The following SLC14A2 variants were observed in gnomAD, a reference collection of about 807,000 sequenced individuals.
SLC14A2 encodes the protein urea transporter 2.
Under a neutral mutation model 104.6 loss-of-function variants are expected in SLC14A2, and 91 were observed. The observed-to-expected ratio is 0.87, with a 90% CI of 0.73 to 1.04. The LOEUF (loss-of-function observed/expected upper bound fraction) is 1.04, where lower values mean the gene tolerates loss of function less well. SLC14A2 is among the 50% of genes least tolerant of loss of function. The probability of loss-of-function intolerance (pLI) is 0.00; values close to 1 mark genes in which losing one functional copy is unlikely to be tolerated. For missense variants in SLC14A2, 1,189 were observed against 1,156.0 expected, an observed-to-expected ratio of 1.03 and a Z score of -0.41; for synonymous variants, 476 against 466.4, an observed-to-expected ratio of 1.02 and a Z score of -0.27.
rs139896448 is a variant in SLC14A2, at chr18:45,305,288, C to T, written c.-125+92097C>T. Reference sequence around the variant, plus strand: ...ATTTAGGGGGCACCCAAGGGTGAGTCAAACCAATACAACTGTTTAATGTTA... The same window carrying T: ...ATTTAGGGGGCACCCAAGGGTGAGTTAAACCAATACAACTGTTTAATGTTA... On this transcript the variant is annotated intron_variant, in intron 1 of 20. Coordinates refer to the SLC14A2 transcript ENST00000586448. 6.7e-3 allele frequency among the ~76,000 whole-genome samples: 1,022 copies of T among 152,290 alleles called. 9 individuals carry two copies. Among genetic ancestry groups the T allele is most frequent in the African/African-American group, 0.023 (943 of 41,562 alleles).
At chr18:45,289,005 A>G (rs2084842872) in intron 1 of SLC14A2, among the ~76,000 whole-genome samples, 2 of 152,150 alleles carry the variant, frequency 1.3e-5, no homozygotes, top group Admixed American at 6.5e-5. Context: ...GCCTGAGCAG[A>G]TGCTGGGAAC....
intron 2 of SLC14A2, among the ~76,000 whole-genome samples, chr18:45,561,125 G>A (rs763048462): frequency 2.4e-4 from 36 of 152,092 alleles, no homozygotes; most frequent in Non-Finnish European, 4.7e-4. Flanking sequence ...GATGAGCCAC[G>A]GGAGGCCACT....
At chr18:45,417,277 T>A (rs1390994298) in intron 1 of SLC14A2, among the ~76,000 whole-genome samples, 2 of 152,202 alleles carry the variant, frequency 1.3e-5, no homozygotes, top group Admixed American at 6.5e-5. Flanking sequence ...ATCCTTTCTT[T>A]TACCTTTTCT....
chr18:45,289,045 G>C (rs924144580), intron 1 of SLC14A2, among the ~76,000 whole-genome samples: 1 of 152,192 alleles, frequency 6.6e-6, no homozygotes, highest in Admixed American at 6.5e-5. Context: ...TCCTGAGCAA[G>C]CTGGGGCCTG....
rs560251370 is a variant in SLC14A2 at position 45,555,388 on chromosome 18, T to C, written c.-34-69243T>C. On this transcript the variant is annotated intron_variant, in intron 2 of 20. Transcript: ENST00000586448. ...AAAGTGATACACACTCAGTACACTC[T>C]TTGACTTAAGATGGGATACATCTAG... Among the ~76,000 whole-genome samples the C allele has an allele frequency of 1.8e-3, 269 of 152,340 alleles. 1 individual carries two copies. The highest frequency in any genetic ancestry group is 6.1e-3 in the African/African-American group (255 of 41,572).
intron 1 of SLC14A2, among the ~76,000 whole-genome samples, chr18:45,213,937 A>G (rs1385256448): frequency 6.6e-6 from 1 of 152,210 alleles, no homozygotes; most frequent in East Asian, 1.9e-4. Flanking sequence ...GACCAATAAT[A>G]GTGCTGAAGA....
intron 1 of SLC14A2, among the ~76,000 whole-genome samples, chr18:45,221,757 C>T (rs548344458): frequency 1.7e-4 from 26 of 152,132 alleles, no homozygotes; most frequent in Admixed American, 8.5e-4. Context: ...GGTTTTAGGA[C>T]GGCACTTGGT....
chr18:45,379,793 C>G (rs1184794401), intron 1 of SLC14A2, among the ~76,000 whole-genome samples: 1 of 152,148 alleles, frequency 6.6e-6, no homozygotes, highest in Non-Finnish European at 1.5e-5. Context: ...TTGTTGTTAT[C>G]CCAGAACTTG....
chr18:45,433,720 T>A (rs1743125655), intron 1 of SLC14A2, among the ~76,000 whole-genome samples: 1 of 152,222 alleles, frequency 6.6e-6, no homozygotes, highest in African/African-American at 2.4e-5. Context: ...GGATTCAAAC[T>A]AAGAGGATGT....
chr18:45,251,513 AC>A (rs1232908572), intron 1 of SLC14A2, among the ~76,000 whole-genome samples: 5 of 152,230 alleles, frequency 3.3e-5, no homozygotes, highest in Non-Finnish European at 7.3e-5. Flanking sequence ...TAACAAAAAA[AC>A]ACATACTGAA....
At chr18:45,348,276 C>G (rs184209877) in intron 1 of SLC14A2, among the ~76,000 whole-genome samples, 135 of 152,324 alleles carry the variant, frequency 8.9e-4, no homozygotes, top group African/African-American at 3.1e-3. Context: ...TGGACCTTGA[C>G]AGTATTTAGT....
At chr18:45,426,658 CATATACATAT>C (rs2086434524) in intron 1 of SLC14A2, among the ~76,000 whole-genome samples, 2 of 144,694 alleles carry the variant, frequency 1.4e-5, no homozygotes, top group Admixed American at 1.4e-4. Context: ...TATATACATA[CATATACATAT>C]ATATACACAC....
chr18:45,547,711 G>A (rs1445968907), intron 2 of SLC14A2, among the ~76,000 whole-genome samples: 3 of 152,204 alleles, frequency 2.0e-5, no homozygotes, highest in African/African-American at 7.2e-5. Context: ...ATGATGAAAT[G>A]AGATGATCTT....
chr18:45,655,682 A>G (rs1037280428), intron 10 of SLC14A2, among the ~76,000 whole-genome samples: 20 of 152,218 alleles, frequency 1.3e-4, no homozygotes, highest in Non-Finnish European at 2.8e-4. Flanking sequence ...GCATGTGGAG[A>G]AAGAGAGTAT....
At chr18:45,341,892 T>C (rs1256847449) in intron 1 of SLC14A2, among the ~76,000 whole-genome samples, 1 of 152,156 alleles carries the variant, frequency 6.6e-6, no homozygotes, top group Non-Finnish European at 1.5e-5. Context: ...CTGATCCCAC[T>C]GTCTAGTATT....
the SLC14A2 span, among the ~76,000 whole-genome samples, chr18:45,189,344 G>T: frequency 2.0e-5 from 3 of 152,156 alleles, no homozygotes; most frequent in African/African-American, 7.2e-5. Context: ...GCTTTATAAT[G>T]TTCTTATGAG....
In SLC14A2 at chr18:45,668,287, T is replaced by C. The variant is rs954480308; in HGVS notation, c.1908-62T>C. 7 of 1,592,976 alleles carry C rather than the reference T, an allele frequency of 4.4e-6. No homozygotes were observed. In the African/African-American group the frequency reaches 5.4e-5, roughly 12 times the overall value. Reference sequence around the variant, plus strand: ...CCCAGATAAAAAGAATCTGACTCAATAGGAAAATGTAAAGGGCCCTGGGGA... The same window carrying C: ...CCCAGATAAAAAGAATCTGACTCAACAGGAAAATGTAAAGGGCCCTGGGGA... On this transcript the variant is annotated intron_variant, in intron 14 of 19. Transcript: ENST00000255226.
At chr18:45,379,892 G>A (rs906994837) in intron 1 of SLC14A2, among the ~76,000 whole-genome samples, 1 of 152,156 alleles carries the variant, frequency 6.6e-6, no homozygotes, top group African/African-American at 2.4e-5. Flanking sequence ...ATTCTTCCCT[G>A]AGTAGCTAAG....
chr18:45,652,895 G>A (rs2045764729), intron 10 of SLC14A2, among the ~76,000 whole-genome samples: 1 of 152,070 alleles, frequency 6.6e-6, no homozygotes, highest in African/African-American at 2.4e-5. Context: ...CTAATGGAAT[G>A]TGTATGAACT....
Sources: allele counts gnomAD v4.1 joint callset (sites outside exome capture counted in the v4.1 genomes callset), GRCh38; gene constraint gnomAD v4.1.1; transcripts MANE v1.5; gene names NCBI Gene and HGNC (gene_info 2026-07-23, HGNC 2026-07-21).